The following PDE1A variants were observed in gnomAD, a reference collection of about 807,000 sequenced individuals.
The protein encoded by PDE1A is phosphodiesterase 1A.
A neutral mutation model predicts 61.7 loss-of-function variants in PDE1A; 35 were observed. The observed-to-expected ratio is 0.57, with a 90% CI of 0.43 to 0.75. The LOEUF is 0.75. Ranked by LOEUF, PDE1A falls within the 30% of genes least tolerant of loss-of-function variation. The probability of loss-of-function intolerance (pLI) is 0.00; values close to 1 mark genes in which losing one functional copy is unlikely to be tolerated. For missense variants in PDE1A, 597 were observed against 630.6 expected (o/e 0.95, Z 0.57); for synonymous variants, 232 against 213.2 (o/e 1.09, Z -0.77).
the PDE1A span, among the ~76,000 whole-genome samples, chr2:182,622,661 A>G: frequency 0.068 from 10,343 of 152,228 alleles, 373 homozygotes; most frequent in Middle Eastern, 0.085. Context: ...GCTGCCGATT[A>G]TCCACTCCCA....
At chr2:182,651,562 ATACAAATT>A in the PDE1A span, among the ~76,000 whole-genome samples, 2 of 152,232 alleles carry the variant, frequency 1.3e-5, no homozygotes, top group Non-Finnish European at 2.9e-5. Flanking sequence ...TGTCCTACAC[ATACAAATT>A]TATTCAAAGG....
intron 13 of PDE1A, among the ~76,000 whole-genome samples, chr2:182,169,916 A>ACACG (rs1388296330): frequency 5.7e-4 from 69 of 121,128 alleles, no homozygotes; most frequent in African/African-American, 2.1e-3. Flanking sequence ...ACACACACAC[A>ACACG]CACACGCACA....
At position 182,234,965 on chromosome 2, in the gene PDE1A, A is replaced by G. The variant is rs181677421; in HGVS notation, c.351-467T>C. On this transcript the variant is annotated intron_variant, in intron 3 of 13. Transcript: ENST00000351439. ...GGGATATGTAGTATCATCAGAATTTACATAGGTCCCCCTTCTTTTATTTAA... is the reference window on the plus strand; with the variant it reads ...GGGATATGTAGTATCATCAGAATTTGCATAGGTCCCCCTTCTTTTATTTAA... 2.6e-5 allele frequency among the ~76,000 whole-genome samples: 4 copies of G among 152,202 alleles called. No individual in the cohort carries two copies. The East Asian group carries it at 7.7e-4, about 29-fold the overall frequency.
At chr2:182,577,980 GGAAGGAAGGAAGGGAC>G in the PDE1A span, among the ~76,000 whole-genome samples, 1 of 144,480 alleles carries the variant, frequency 6.9e-6, no homozygotes, top group African/African-American at 2.6e-5. Flanking sequence ...AAGGAAGGAA[GGAAGGAAGGAAGGGAC>G]GGAGGGAGGG....
chr2:182,288,018 A>G (rs1694279163), intron 1 of PDE1A, among the ~76,000 whole-genome samples: 1 of 151,970 alleles, frequency 6.6e-6, no homozygotes, highest in Non-Finnish European at 1.5e-5. Context: ...TTTAAAATTA[A>G]AAATTAAAAA....
At chr2:182,461,575 T>C (rs1446417032) in intron 2 of PDE1A, among the ~76,000 whole-genome samples, 1 of 152,156 alleles carries the variant, frequency 6.6e-6, no homozygotes, top group Admixed American at 6.6e-5. Context: ...AGCCATATCA[T>C]AACCCATGAT....
chr2:182,528,388 G>A, the PDE1A span, among the ~76,000 whole-genome samples: 2 of 152,040 alleles, frequency 1.3e-5, no homozygotes, highest in Non-Finnish European at 2.9e-5. Flanking sequence ...GATGAGGTAG[G>A]GTATTTAACA....
intron 1 of PDE1A, among the ~76,000 whole-genome samples, chr2:182,356,675 A>G (rs1325546707): frequency 1.3e-5 from 2 of 152,126 alleles, no homozygotes; most frequent in Non-Finnish European, 2.9e-5. Context: ...TGGAGGTTGC[A>G]GTGAGCCAAG....
At chr2:182,696,671 C>A in the PDE1A span, among the ~76,000 whole-genome samples, 2 of 152,144 alleles carry the variant, frequency 1.3e-5, no homozygotes, top group African/African-American at 4.8e-5. Context: ...AAATCTACCA[C>A]TCTGGGAGGG....
chr2:182,283,737 AC>A (rs1358017311), intron 1 of PDE1A, among the ~76,000 whole-genome samples: 1 of 152,120 alleles, frequency 6.6e-6, no homozygotes, highest in East Asian at 1.9e-4. Flanking sequence ...AAGACAAAGA[AC>A]CATCACTACA....
chr2:182,558,311 C>A, the PDE1A span, among the ~76,000 whole-genome samples: 1 of 151,276 alleles, frequency 6.6e-6, no homozygotes, highest in Non-Finnish European at 1.5e-5. Flanking sequence ...TATATTATGG[C>A]GTTTAAGATT....
the PDE1A span, among the ~76,000 whole-genome samples, chr2:182,620,069 G>A: frequency 6.6e-6 from 1 of 152,110 alleles, no homozygotes; most frequent in African/African-American, 2.4e-5. Flanking sequence ...GAGTTTTGGA[G>A]GGGATGAACA....
chr2:182,228,284 G>GA (rs1689296841), intron 6 of PDE1A, among the ~76,000 whole-genome samples: 1 of 152,068 alleles, frequency 6.6e-6, no homozygotes, highest in African/African-American at 2.4e-5. Context: ...CAAACAGAAG[G>GA]ACAATGGCTT....
chr2:182,615,936 G>A, the PDE1A span, among the ~76,000 whole-genome samples: 1 of 152,254 alleles, frequency 6.6e-6, no homozygotes, highest in Admixed American at 6.5e-5. Flanking sequence ...CCTCTTAAAG[G>A]TCTCAATTCT....
chr2:182,434,070 G>A (rs1330632122), intron 2 of PDE1A, among the ~76,000 whole-genome samples: 1 of 152,028 alleles, frequency 6.6e-6, no homozygotes, highest in Non-Finnish European at 1.5e-5. Context: ...AAATGTATCT[G>A]TTCAATGCAT....
At chr2:182,528,708 G>T in the PDE1A span, among the ~76,000 whole-genome samples, 771 of 152,218 alleles carry the variant, frequency 5.1e-3, 3 homozygotes, top group Non-Finnish European at 7.3e-3. Flanking sequence ...TGTGGGCCAG[G>T]CCCAAGGCTC....
At chr2:182,191,858 A>AT (rs1252560530) in intron 10 of PDE1A, among the ~76,000 whole-genome samples, 3 of 136,456 alleles carry the variant, frequency 2.2e-5, no homozygotes, top group Non-Finnish European at 3.3e-5. Context: ...TTTTTTTTTT[A>AT]TTTTTTTATT....
intron 1 of PDE1A, among the ~76,000 whole-genome samples, chr2:182,403,283 C>T (rs889970980): frequency 6.6e-6 from 1 of 152,114 alleles, no homozygotes; most frequent in African/African-American, 2.4e-5. Context: ...AAATTCCCAT[C>T]AACGATAGAC....
the PDE1A span, among the ~76,000 whole-genome samples, chr2:182,685,411 T>C: frequency 6.6e-6 from 1 of 152,164 alleles, no homozygotes; most frequent in East Asian, 1.9e-4. Context: ...ATTGAAAAAG[T>C]GGCATAGTTG....
Sources: allele counts gnomAD v4.1 joint callset (sites outside exome capture counted in the v4.1 genomes callset), GRCh38; gene constraint gnomAD v4.1.1; transcripts MANE v1.5; gene names NCBI Gene and HGNC (gene_info 2026-07-23, HGNC 2026-07-21).